The following EPHA6 variants were observed in gnomAD, a reference collection of about 807,000 sequenced individuals.
The protein encoded by EPHA6 is ephrin type-A receptor 6.
In EPHA6, 50 loss-of-function variants were observed where a neutral mutation model predicts 112.0. The observed-to-expected ratio is 0.45, with a 90% CI of 0.36 to 0.56. The LOEUF is 0.56. EPHA6 is among the 20% of genes least tolerant of loss of function. The pLI, the probability that EPHA6 is intolerant of heterozygous loss-of-function variation, is 0.00. For synonymous variants in EPHA6, 529 were observed against 490.7 expected, an observed-to-expected ratio of 1.08 and a Z score of -1.03; for missense variants, 1,280 against 1,417.4, an observed-to-expected ratio of 0.90 and a Z score of 1.56.
chr3:96,835,014 G>A (rs1456241946), intron 1 of EPHA6, among the ~76,000 whole-genome samples: 1 of 151,904 alleles, frequency 6.6e-6, no homozygotes, highest in East Asian at 1.9e-4. Flanking sequence ...CATCACATCT[G>A]AACTAAGAAA....
chr3:96,985,746 A>G (rs1180387281), intron 2 of EPHA6, among the ~76,000 whole-genome samples: 1 of 152,202 alleles, frequency 6.6e-6, no homozygotes, highest in Non-Finnish European at 1.5e-5. Context: ...TGCATGATGG[A>G]TAATATAAAT....
intron 1 of EPHA6, among the ~76,000 whole-genome samples, chr3:96,819,421 C>CA (rs1162565672): frequency 6.6e-6 from 1 of 151,968 alleles, no homozygotes; most frequent in Non-Finnish European, 1.5e-5. Context: ...TTCCCTATCA[C>CA]AATTTCAGTA....
At chr3:97,363,994 G>A (rs1047191557) in intron 5 of EPHA6, among the ~76,000 whole-genome samples, 23 of 151,020 alleles carry the variant, frequency 1.5e-4, no homozygotes, top group Admixed American at 7.9e-4. Context: ...GGTTTGCAAC[G>A]GCTGGGAGAG....
chr3:97,420,186 C>T (rs9835647), intron 6 of EPHA6, among the ~76,000 whole-genome samples: 18,764 of 151,838 alleles, frequency 0.12, 3,707 homozygotes, highest in African/African-American at 0.41. Flanking sequence ...TTATAAACAT[C>T]CATAAATCTC....
At chr3:97,113,074 G>A (rs1369337999) in intron 3 of EPHA6, among the ~76,000 whole-genome samples, 1 of 151,988 alleles carries the variant, frequency 6.6e-6, no homozygotes, top group African/African-American at 2.4e-5. Context: ...TATGTGTCAG[G>A]CCCTCAACTC....
At chr3:97,310,915 T>C (rs1369223677) in intron 5 of EPHA6, among the ~76,000 whole-genome samples, 2 of 151,692 alleles carry the variant, frequency 1.3e-5, no homozygotes, top group Non-Finnish European at 3.0e-5. Context: ...TTTGTACAGC[T>C]AACCCTGATA....
At chr3:97,119,105 C>G (rs1407984677) in intron 3 of EPHA6, among the ~76,000 whole-genome samples, 1 of 151,924 alleles carries the variant, frequency 6.6e-6, no homozygotes. Context: ...TTTAGTCAGC[C>G]ATTGTGTTAG....
chr3:97,610,629 G>C (rs973888627), intron 12 of EPHA6, among the ~76,000 whole-genome samples, 164 bp from the exon 13 acceptor site: 6 of 151,560 alleles, frequency 4.0e-5, no homozygotes, highest in African/African-American at 1.5e-4. Flanking sequence ...GAAATATAGA[G>C]GTGCCTATGT....
At chr3:96,932,639 C>G (rs1339784651) in intron 2 of EPHA6, among the ~76,000 whole-genome samples, 1 of 152,092 alleles carries the variant, frequency 6.6e-6, no homozygotes, top group African/African-American at 2.4e-5. Flanking sequence ...TGCTTGAAAG[C>G]CAGACAGGAG....
intron 5 of EPHA6, among the ~76,000 whole-genome samples, chr3:97,267,373 T>A (rs961417056): frequency 1.3e-5 from 2 of 152,096 alleles, no homozygotes; most frequent in Admixed American, 6.5e-5. Context: ...CAATTTAATA[T>A]CTGCTTTCAT....
intron 5 of EPHA6, among the ~76,000 whole-genome samples, chr3:97,379,660 A>G (rs969201236): frequency 1.3e-5 from 2 of 148,754 alleles, no homozygotes; most frequent in African/African-American, 5.0e-5. Flanking sequence ...GAGACAGGAG[A>G]ATTGTTTGAA....
In EPHA6 at chr3:97,428,976, T is replaced by C. The variant is rs540513154; in HGVS notation, c.1732-19592T>C. 3.3e-5 allele frequency among the ~76,000 whole-genome samples: 5 copies of C among 152,306 alleles called. No homozygotes were observed. In the East Asian group the frequency reaches 9.7e-4, roughly 29 times the overall value. On this transcript the variant is annotated intron_variant, in intron 6 of 17. Transcript: ENST00000389672. The stretch of plus-strand genomic sequence containing the variant: ...GTATTATGGTCTGAAAGAGCTTTCT[T>C]GCCTCCTCTCAATTCCTCACCCCTT...
At chr3:97,276,173 T>A in intron 5 of EPHA6, among the ~76,000 whole-genome samples, 1 of 151,974 alleles carries the variant, frequency 6.6e-6, no homozygotes, top group Non-Finnish European at 1.5e-5. Context: ...CCCTCCACTG[T>A]GAGAGTTACC....
chr3:97,176,137 T>C (rs570100819), intron 3 of EPHA6, among the ~76,000 whole-genome samples: 1 of 152,062 alleles, frequency 6.6e-6, no homozygotes, highest in East Asian at 1.9e-4. Flanking sequence ...ATCAATTTTT[T>C]TCAGAATCAA....
At chr3:97,122,662 A>C (rs2048072865) in intron 3 of EPHA6, among the ~76,000 whole-genome samples, 2 of 152,072 alleles carry the variant, frequency 1.3e-5, no homozygotes, top group South Asian at 4.1e-4. Flanking sequence ...GAAAGATTAC[A>C]AAAGATTGTA....
Position 97,724,910 on chromosome 3 carries a change from G to A in EPHA6, c.2934+4500G>A, listed in dbSNP as rs538323683. On this transcript the variant is annotated intron_variant, in intron 15 of 17. Coordinates refer to ENST00000389672, the MANE Select transcript of EPHA6 (RefSeq NM_001080448.3). ...AGGGTAGATTCTGTGCCTTCTACTT[G>A]TTTTTTAAATGGAAACAATACTGTG... Among the ~76,000 whole-genome samples the A allele has an allele frequency of 2.7e-4, 41 of 152,094 alleles. No homozygotes were observed. In the South Asian group the frequency reaches 8.5e-3, roughly 32 times the overall value.
At chr3:97,660,725 G>C (rs1406677681) in intron 14 of EPHA6, among the ~76,000 whole-genome samples, 1 of 151,968 alleles carries the variant, frequency 6.6e-6, no homozygotes, top group Non-Finnish European at 1.5e-5. Context: ...TTTAATTCTG[G>C]ATTCATTGTG....
intron 11 of EPHA6, among the ~76,000 whole-genome samples, chr3:97,556,828 T>G (rs1000536964): frequency 6.6e-6 from 1 of 152,038 alleles, no homozygotes; most frequent in Admixed American, 6.6e-5. Flanking sequence ...GTTTATGGTG[T>G]GTGAATTTAT....
At chr3:97,729,697 A>T (rs1386103) in intron 15 of EPHA6, among the ~76,000 whole-genome samples, 5 of 151,778 alleles carry the variant, frequency 3.3e-5, no homozygotes, top group Non-Finnish European at 4.4e-5. Context: ...CTTCTGCCTT[A>T]TTTTTTCTTT....
Sources: gnomAD v4.1 joint callset for allele counts (sites outside exome capture counted in the v4.1 genomes callset) on GRCh38, gnomAD v4.1.1 for gene constraint, MANE v1.5 for transcripts, NCBI Gene and HGNC (gene_info 2026-07-23, HGNC 2026-07-21) for gene names.